NFATC2: variants seen among roughly 807,000 people sequenced by gnomAD.
NFATC2 encodes the protein nuclear factor of activated T-cells, cytoplasmic 2.
In NFATC2, 22 loss-of-function variants were observed where a neutral mutation model predicts 87.3. The ratio of observed to expected loss-of-function variants is 0.25; its 90% CI spans 0.18 to 0.36. The LOEUF is 0.36. Among genes scored for constraint, NFATC2 ranks in the 10% least tolerant of loss-of-function variants. NFATC2 has a pLI of 1.00. For missense variants in NFATC2, 1,149 were observed against 1,259.1 expected (o/e 0.91, Z 1.32); for synonymous variants, 565 against 542.2 (o/e 1.04, Z -0.58).
At chr20:51,534,167 G>T (rs994461614) in intron 1 of NFATC2, among the ~76,000 whole-genome samples, 55 of 151,822 alleles carry the variant, frequency 3.6e-4, no homozygotes, top group African/African-American at 1.3e-3. Flanking sequence ...GGAAATTGAG[G>T]CTTGGGGTGC....
intron 3 of NFATC2, among the ~76,000 whole-genome samples, chr20:51,495,050 G>A (rs1158881348): frequency 6.6e-6 from 1 of 152,124 alleles, no homozygotes; most frequent in African/African-American, 2.4e-5. Flanking sequence ...AACCAACCCA[G>A]CTCAGCAGAG....
At chr20:51,452,724 C>T (rs753257269) in intron 6 of NFATC2, among the ~76,000 whole-genome samples, 4 of 152,256 alleles carry the variant, frequency 2.6e-5, no homozygotes, top group South Asian at 2.1e-4. Flanking sequence ...ACAATCTCGA[C>T]ACTCAACCTC....
At chr20:51,439,011 G>A (rs1444087129) in intron 6 of NFATC2, among the ~76,000 whole-genome samples, 1 of 152,226 alleles carries the variant, frequency 6.6e-6, no homozygotes, top group Non-Finnish European at 1.5e-5. Context: ...CTGGGAGGCT[G>A]GAGAAAGATC....
At position 51,523,407 on chromosome 20, in the gene NFATC2, C is replaced by T; in HGVS notation, c.834G>A (p.Gln278=). The change falls in exon 2 of 11, where the codon CAG becomes CAA. Residue 278 remains glutamine, a synonymous_variant. Coordinates refer to ENST00000371564, the MANE Select transcript of NFATC2 (RefSeq NM_012340.5). The surrounding 1 kb of genome is among the most constrained non-coding windows in gnomAD (Gnocchi z 6.9). ...SPQRSRSPSP[Q]PSSHVAPQDH... Reference sequence around the variant, plus strand: ...CCTGGGGTGCCACGTGAGATGAGGGCTGCGGCGAGGGGCTCCGGGAGCGCT... The same window carrying T: ...CCTGGGGTGCCACGTGAGATGAGGGTTGCGGCGAGGGGCTCCGGGAGCGCT... 3.1e-6 allele frequency: 5 copies of T among 1,609,034 alleles called. No homozygotes were observed. The highest frequency in any genetic ancestry group is 4.2e-6 in the Non-Finnish European group (5 of 1,177,516).
chr20:51,448,557 TG>T (rs1363832659), intron 6 of NFATC2, among the ~76,000 whole-genome samples: 1 of 152,070 alleles, frequency 6.6e-6, no homozygotes, highest in Non-Finnish European at 1.5e-5. Context: ...GGCAGGAGAA[TG>T]GCGTGAACCT....
At chr20:51,531,478 C>A (rs1249758096) in intron 1 of NFATC2, among the ~76,000 whole-genome samples, 1 of 152,232 alleles carries the variant, frequency 6.6e-6, no homozygotes, top group African/African-American at 2.4e-5. Flanking sequence ...CCAAAAACTA[C>A]AGGACAAGAT....
Position 51,480,998 on chromosome 20 carries a change from G to A in NFATC2, c.1333-5338C>T, listed in dbSNP as rs78429586. Among the ~76,000 whole-genome samples, 6,197 of 152,262 alleles carry A rather than the reference G, an allele frequency of 0.041. 131 individuals are homozygous for A. The highest frequency in any genetic ancestry group is 0.065 in the Middle Eastern group (19 of 294). ...TCAGTGGGCTGGCTCAACAGTTGCC[G>A]GCTTGGAGTGTCAGAGGAAAGAGGG... On this transcript the variant is annotated intron_variant, in intron 3 of 10. Transcript: ENST00000371564. This position sits in a 1 kb window ranked among gnomAD's most constrained non-coding sequence, Gnocchi z 4.2.
At chr20:51,416,415 C>T (rs1165144450) in intron 9 of NFATC2, among the ~76,000 whole-genome samples, 1 of 152,190 alleles carries the variant, frequency 6.6e-6, no homozygotes, top group Non-Finnish European at 1.5e-5. Flanking sequence ...TCCCAGGGTG[C>T]CAGCTCCTGG....
At position 51,548,152 on chromosome 20, in the gene NFATC2, A is replaced by C. The variant is rs567213058; in HGVS notation, c.70+14408T>G. On this transcript the variant is annotated intron_variant, in intron 1 of 10. Transcript: ENST00000414705. ...TTCTCTTACTCCCTCTGCCACCCTG[A>C]TCGTCCGCCTGTTCCTTGATAACGC... is the stretch of plus-strand genomic sequence containing the variant. 9.6e-4 allele frequency among the ~76,000 whole-genome samples: 146 copies of C among 152,094 alleles called. 3 individuals are homozygous for C. In the South Asian group the frequency reaches 0.03, roughly 31 times the overall value.
At chr20:51,531,229 A>G (rs2076628324) in intron 1 of NFATC2, among the ~76,000 whole-genome samples, 2 of 152,244 alleles carry the variant, frequency 1.3e-5, no homozygotes, top group Non-Finnish European at 2.9e-5. Flanking sequence ...ATGGCACAGG[A>G]GGCCTGCGCA....
At chr20:51,518,550 TC>T (rs917096269) in intron 2 of NFATC2, among the ~76,000 whole-genome samples, 12 of 148,798 alleles carry the variant, frequency 8.1e-5, no homozygotes, top group African/African-American at 2.3e-4. Flanking sequence ...TACCCTGCAG[TC>T]CTTTTTTTTG....
chr20:51,504,923 G>GA lies in NFATC2; in HGVS notation c.1332+11860dup, dbSNP rs1555808952. 4.1e-5 allele frequency among the ~76,000 whole-genome samples: 6 copies of GA among 146,612 alleles called. 1 individual carries two copies. The highest frequency in any genetic ancestry group is 2.2e-4 in the South Asian group (1 of 4,636). The stretch of plus-strand genomic sequence containing the variant: ...TGAGCTCAAGTGTGCAGGCGCAGGG[G>GA]AAAAAAAAGACTAAAAAGAAATACA... On this transcript the variant is annotated intron_variant, in intron 3 of 10. Transcript: ENST00000371564.
At position 51,406,400 on chromosome 20, in the gene NFATC2, G is replaced by A. The variant is rs1031362292; in HGVS notation, c.2723-7670C>T. ...TGGGGGTGACAGTGTTGGCATCGTT[G>A]TTAGCTTTGGGTAACCTGTGGCGGG... On this transcript the variant is annotated intron_variant, in intron 9 of 10. Coordinates refer to ENST00000371564, the MANE Select transcript of NFATC2 (RefSeq NM_012340.5). Among the ~76,000 whole-genome samples the A allele has an allele frequency of 1.4e-4, 21 of 152,214 alleles. 1 individual carries two copies. The highest frequency in any genetic ancestry group is 2.6e-4 in the Non-Finnish European group (18 of 68,036).
At chr20:51,406,651 C>G (rs554914193) in intron 9 of NFATC2, among the ~76,000 whole-genome samples, 5 of 152,340 alleles carry the variant, frequency 3.3e-5, no homozygotes, top group East Asian at 1.9e-4. Context: ...ACAAACCCAC[C>G]AGCAACCGGG....
At chr20:51,444,301 T>A (rs1472015173) in intron 6 of NFATC2, among the ~76,000 whole-genome samples, 2 of 151,864 alleles carry the variant, frequency 1.3e-5, no homozygotes, top group Non-Finnish European at 2.9e-5. Flanking sequence ...GCCTCTGCTT[T>A]ATCTTCACTG....
At chr20:51,452,670 C>T (rs936363835) in intron 6 of NFATC2, among the ~76,000 whole-genome samples, 3 of 152,192 alleles carry the variant, frequency 2.0e-5, no homozygotes, top group Admixed American at 6.5e-5. Context: ...ACCTCCTCTC[C>T]TGTGTGCTAA....
intron 6 of NFATC2, among the ~76,000 whole-genome samples, chr20:51,438,635 A>T (rs1481770229): frequency 1.3e-5 from 2 of 152,188 alleles, no homozygotes; most frequent in African/African-American, 4.8e-5. Context: ...CAAAAAGGGC[A>T]TCACCAAGAG....
chr20:51,544,609 C>G (rs74367780), upstream of NFATC2, among the ~76,000 whole-genome samples: 592 of 152,306 alleles, frequency 3.9e-3, 4 homozygotes, highest in African/African-American at 0.014. Context: ...GCCCTGAAAG[C>G]AAAGTAGCAC....
chr20:51,492,970 G>A (rs1166359516), intron 3 of NFATC2, among the ~76,000 whole-genome samples: 1 of 152,250 alleles, frequency 6.6e-6, no homozygotes, highest in African/African-American at 2.4e-5. Context: ...GGGGCCAGAG[G>A]CTCCAGGAGG....
Sources: gnomAD v4.1 joint callset for allele counts (sites outside exome capture counted in the v4.1 genomes callset) on GRCh38, gnomAD v4.1.1 for gene constraint, Gnocchi (gnomAD v3.1) non-coding constraint, MANE v1.5 for transcripts, NCBI Gene and HGNC (gene_info 2026-07-23, HGNC 2026-07-21) for gene names.